The following NRXN1 variants were observed in gnomAD, a reference collection of about 807,000 sequenced individuals.
NRXN1 encodes neurexin 1, also known as neurexin-1.
Under a neutral mutation model 150.9 loss-of-function variants are expected in NRXN1, and 39 were observed. The observed-to-expected ratio is 0.26, with a 90% CI of 0.20 to 0.34. The LOEUF is 0.34. NRXN1 is among the 10% of genes least tolerant of loss of function. The pLI, the probability that NRXN1 is intolerant of heterozygous loss-of-function variation, is 1.00. For synonymous variants in NRXN1, 924 were observed against 757.0 expected (o/e 1.22, Z -3.62); for missense variants, 1,815 against 1,949.9 (o/e 0.93, Z 1.30).
chr2:50,960,209 C>CA (rs1164392388), intron 2 of NRXN1, among the ~76,000 whole-genome samples: 3 of 151,844 alleles, frequency 2.0e-5, no homozygotes, highest in African/African-American at 7.2e-5. Context: ...AAGAGAACAA[C>CA]AGATCTGCCT....
intron 18 of NRXN1, among the ~76,000 whole-genome samples, chr2:50,230,512 T>C (rs1490678077): frequency 6.6e-6 from 1 of 151,972 alleles, no homozygotes; most frequent in Admixed American, 6.6e-5. Context: ...GCCATAAGTA[T>C]ATAAAATGGA....
chr2:50,860,004 G>A (rs1394313338), intron 5 of NRXN1, among the ~76,000 whole-genome samples: 1 of 151,936 alleles, frequency 6.6e-6, no homozygotes, highest in Non-Finnish European at 1.5e-5. Context: ...GTAAACTACA[G>A]GCACCAATAT....
rs1706090173 is a variant in NRXN1 at position 50,791,815 on chromosome 2, T to C, written c.832+130054A>G. Among the ~76,000 whole-genome samples the C allele has an allele frequency of 2.6e-5, 4 of 152,086 alleles. 1 individual carries two copies. The South Asian group carries it at 6.2e-4, about 24-fold the overall frequency. ...TTATACCCTTCACACCAAATTGCAGTCTCCATGGGTCCTTATCTGCTTGTA... is the reference window on the plus strand; with the variant it reads ...TTATACCCTTCACACCAAATTGCAGCCTCCATGGGTCCTTATCTGCTTGTA... On this transcript the variant is annotated intron_variant, in intron 5 of 22. Transcript: ENST00000401669.
intron 5 of NRXN1, among the ~76,000 whole-genome samples, chr2:50,768,684 G>A (rs1409911662): frequency 6.6e-6 from 1 of 151,998 alleles, no homozygotes; most frequent in East Asian, 1.9e-4. Context: ...TCAGTGGTCA[G>A]CAGTAATCTC....
At chr2:50,415,822 T>C (rs1308587231) in intron 17 of NRXN1, among the ~76,000 whole-genome samples, 1 of 151,226 alleles carries the variant, frequency 6.6e-6, no homozygotes, top group Non-Finnish European at 1.5e-5. Flanking sequence ...TGTGATATGC[T>C]AAATTACATT....
chr2:50,479,766 T>C (rs1573163834), intron 15 of NRXN1, among the ~76,000 whole-genome samples: 1 of 123,764 alleles, frequency 8.1e-6, no homozygotes, highest in East Asian at 2.2e-4. Context: ...CATTTCTTTT[T>C]CTTTTTTTTT....
chr2:50,544,899 G>T (rs186892827), intron 9 of NRXN1, among the ~76,000 whole-genome samples: 1 of 152,190 alleles, frequency 6.6e-6, no homozygotes, highest in East Asian at 1.9e-4. Flanking sequence ...TCAAACTAAG[G>T]TATGTATGGT....
intron 21 of NRXN1, among the ~76,000 whole-genome samples, chr2:49,962,444 A>C (rs1031094331): frequency 6.6e-6 from 1 of 152,318 alleles, no homozygotes; most frequent in East Asian, 1.9e-4. Flanking sequence ...ATAACTGCCT[A>C]CTTTATAAAT....
chr2:50,546,271 A>G (rs1387355070), intron 9 of NRXN1, among the ~76,000 whole-genome samples: 1 of 152,180 alleles, frequency 6.6e-6, no homozygotes, highest in African/African-American at 2.4e-5. Flanking sequence ...ACCTGCCTCC[A>G]TCTTTACAGT....
chr2:50,469,769 G>A (rs2089281344), intron 16 of NRXN1, among the ~76,000 whole-genome samples: 1 of 150,740 alleles, frequency 6.6e-6, no homozygotes, highest in African/African-American at 2.4e-5. Context: ...AAAAAGGGGT[G>A]TCAGGGTGTG....
intron 2 of NRXN1, among the ~76,000 whole-genome samples, chr2:51,008,065 T>A (rs1047307262): frequency 6.6e-6 from 1 of 151,942 alleles, no homozygotes; most frequent in Admixed American, 6.6e-5. Flanking sequence ...AGTCTTCCTA[T>A]AAAATTCTGG....
chr2:50,893,021 T>C (rs1384646141), intron 5 of NRXN1, among the ~76,000 whole-genome samples: 5 of 152,174 alleles, frequency 3.3e-5, no homozygotes, highest in African/African-American at 1.2e-4. Context: ...AGAACTCCTC[T>C]GATGGGCAGT....
intron 10 of NRXN1, among the ~76,000 whole-genome samples, chr2:50,531,997 C>T (rs2093128848): frequency 6.6e-6 from 1 of 152,098 alleles, no homozygotes; most frequent in Non-Finnish European, 1.5e-5. Flanking sequence ...AGGCGCATGA[C>T]ACCATGCCAG....
intron 15 of NRXN1, among the ~76,000 whole-genome samples, chr2:50,495,389 GT>G (rs2091528056): frequency 5.7e-5 from 8 of 140,404 alleles, no homozygotes; most frequent in African/African-American, 2.3e-4. Flanking sequence ...TGGTGTGTGT[GT>G]GTGTGTGTGT....
chr2:50,509,241 A>C (rs1014429), intron 12 of NRXN1, among the ~76,000 whole-genome samples: 44,887 of 152,104 alleles, frequency 0.3, 7,528 homozygotes, highest in South Asian at 0.39. Flanking sequence ...TTTGGCTAAC[A>C]ACTTAATTTC....
rs115333309 is a variant in NRXN1, at chr2:50,280,095, G to A, written c.3365-43125C>T. Among the ~76,000 whole-genome samples, 741 of 152,020 alleles carry A rather than the reference G, an allele frequency of 4.9e-3. 8 individuals are homozygous for A. The highest frequency in any genetic ancestry group is 0.017 in the African/African-American group (700 of 41,454). On this transcript the variant is annotated intron_variant, in intron 17 of 22. Transcript: ENST00000401669. ...AAATCGAGACCACCCTGGCTAACAC[G>A]GTGAGCCCTCGTCTCTACTAAAAAT...
At chr2:50,301,454 A>G (rs2074142349) in intron 17 of NRXN1, among the ~76,000 whole-genome samples, 1 of 152,204 alleles carries the variant, frequency 6.6e-6, no homozygotes, top group South Asian at 2.1e-4. Context: ...TTTAACATAT[A>G]TTAAGGGAAC....
At chr2:50,124,901 G>T (rs1411263267) in intron 18 of NRXN1, among the ~76,000 whole-genome samples, 1 of 151,854 alleles carries the variant, frequency 6.6e-6, no homozygotes, top group Non-Finnish European at 1.5e-5. Context: ...AAGTTCTTTA[G>T]CCCCTTTGAG....
intron 5 of NRXN1, among the ~76,000 whole-genome samples, chr2:50,824,432 G>A (rs896731955): frequency 6.6e-6 from 1 of 152,062 alleles, no homozygotes; most frequent in African/African-American, 2.4e-5. Flanking sequence ...TTTTAAAGAT[G>A]TAGGGAAAGG....
Sources: allele counts gnomAD v4.1 joint callset (sites outside exome capture counted in the v4.1 genomes callset), GRCh38; gene constraint gnomAD v4.1.1; transcripts MANE v1.5; gene names NCBI Gene and HGNC (gene_info 2026-07-23, HGNC 2026-07-21).